The following OSBPL8 variants were observed in gnomAD, a reference collection of about 807,000 sequenced individuals.
OSBPL8 encodes the protein oxysterol binding protein like 8.
Under a neutral mutation model 125.5 loss-of-function variants are expected in OSBPL8, and 59 were observed. The observed-to-expected ratio is 0.47, with a 90% CI of 0.38 to 0.58. The LOEUF is 0.58. OSBPL8 is among the 20% of genes least tolerant of loss of function. The probability of loss-of-function intolerance (pLI) is 0.00; values close to 1 mark genes in which losing one functional copy is unlikely to be tolerated. For synonymous variants in OSBPL8, 330 were observed against 338.9 expected, an observed-to-expected ratio of 0.97 and a Z score of 0.29; for missense variants, 758 against 1,047.8, an observed-to-expected ratio of 0.72 and a Z score of 3.82.
intron 1 of OSBPL8, among the ~76,000 whole-genome samples, chr12:76,512,025 T>A (rs1881048677): frequency 6.6e-6 from 1 of 152,180 alleles, no homozygotes; most frequent in Admixed American, 6.5e-5. Context: ...GTTACATAGA[T>A]AAACACATGT....
In OSBPL8 at chr12:76,353,925, A is replaced by G. The variant is rs549159252; in HGVS notation, c.*1964T>C. 27 of 152,544 alleles carry G rather than the reference A, an allele frequency of 1.8e-4. No individual in the cohort carries two copies. The highest frequency in any genetic ancestry group is 6.5e-4 in the African/African-American group (27 of 41,580). The allele number at this position is 152,544 out of a possible 1,614,324, so 9.4% of individuals were successfully genotyped here. ...CCCATACAAATAAAATATTATTTGGACCAAATGAAAACAACATACACGTGG... is the reference window on the plus strand; with the variant it reads ...CCCATACAAATAAAATATTATTTGGGCCAAATGAAAACAACATACACGTGG... On this transcript the variant is annotated 3_prime_UTR_variant, in exon 24 of 24. Transcript: ENST00000261183.
chr12:76,389,609 A>G, intron 12 of OSBPL8, 36 bp downstream of exon 12: 1 of 1,410,868 alleles, frequency 7.1e-7, no homozygotes, highest in Non-Finnish European at 9.5e-7. Context: ...AAAATCATGA[A>G]GTATTGTCTA....
intron 5 of OSBPL8, among the ~76,000 whole-genome samples, chr12:76,409,101 C>T (rs1665248659): frequency 6.6e-6 from 1 of 151,864 alleles, no homozygotes; most frequent in Non-Finnish European, 1.5e-5. Context: ...AAATGATTGA[C>T]AGGGCTCAAA....
chr12:76,538,838 C>A (rs1438649311), intron 1 of OSBPL8, among the ~76,000 whole-genome samples: 2 of 151,614 alleles, frequency 1.3e-5, no homozygotes, highest in Non-Finnish European at 2.9e-5. Context: ...GTCCCAGCTA[C>A]TCGGGAGGCT....
intron 4 of OSBPL8, among the ~76,000 whole-genome samples, chr12:76,420,693 C>A (rs1869366657): frequency 6.6e-6 from 1 of 151,894 alleles, no homozygotes; most frequent in South Asian, 2.1e-4. Context: ...CAGATAAAAG[C>A]AAATGCATCT....
chr12:76,450,593 G>A (rs1873263179), intron 4 of OSBPL8, among the ~76,000 whole-genome samples: 1 of 151,878 alleles, frequency 6.6e-6, no homozygotes, highest in Admixed American at 6.6e-5. Flanking sequence ...ACCACAAAGT[G>A]TGAGAATCGC....
chr12:76,386,351 T>C, intron 13 of OSBPL8, 85 bp from the exon 14 acceptor site: 1 of 1,471,686 alleles, frequency 6.8e-7, no homozygotes, highest in Non-Finnish European at 9.0e-7. Context: ...GGTTTAACTC[T>C]ACCATCTGGG....
chr12:76,488,092 C>T (rs892281748), intron 1 of OSBPL8, among the ~76,000 whole-genome samples: 14 of 152,042 alleles, frequency 9.2e-5, no homozygotes. Flanking sequence ...AATTTTCCCA[C>T]AGATATACAA....
At chr12:76,463,531 G>A (rs1251373744) in intron 2 of OSBPL8, among the ~76,000 whole-genome samples, 3 of 152,178 alleles carry the variant, frequency 2.0e-5, no homozygotes, top group Non-Finnish European at 4.4e-5. Flanking sequence ...AATTATGTAT[G>A]AGAGTTATGT....
chr12:76,507,319 C>T (rs1245935703), intron 1 of OSBPL8, among the ~76,000 whole-genome samples: 1 of 151,674 alleles, frequency 6.6e-6, no homozygotes, highest in African/African-American at 2.4e-5. Flanking sequence ...ACCTACTAGG[C>T]AAGGTTAATG....
intron 17 of OSBPL8, among the ~76,000 whole-genome samples, chr12:76,374,655 G>C (rs2136213654): frequency 6.6e-6 from 1 of 152,224 alleles, no homozygotes; most frequent in East Asian, 1.9e-4. Flanking sequence ...CCCTAGACCA[G>C]GTATCAGATA....
chr12:76,463,650 C>T (rs1255012301), intron 2 of OSBPL8, among the ~76,000 whole-genome samples: 2 of 152,156 alleles, frequency 1.3e-5, no homozygotes, highest in Admixed American at 6.5e-5. Context: ...AAGAATCACA[C>T]TCAAGCACTG....
At chr12:76,412,064 A>G (rs891219499) in intron 4 of OSBPL8, among the ~76,000 whole-genome samples, 1 of 152,206 alleles carries the variant, frequency 6.6e-6, no homozygotes, top group Non-Finnish European at 1.5e-5. Context: ...AGAGAGGCAC[A>G]AGAATGTTCA....
At chr12:76,394,595 A>C (rs1953714190) in intron 9 of OSBPL8, 50 bp downstream of exon 9, 8 of 1,381,294 alleles carry the variant, frequency 5.8e-6, no homozygotes, top group Admixed American at 1.9e-5. Flanking sequence ...GCATTAAAAA[A>C]ACTCTTAAAA....
At chr12:76,515,527 C>G (rs1025728325) in intron 1 of OSBPL8, among the ~76,000 whole-genome samples, 5 of 152,158 alleles carry the variant, frequency 3.3e-5, no homozygotes, top group African/African-American at 1.2e-4. Context: ...TCCGCAATTT[C>G]CTCACAATTG....
rs1453355417 is a variant in OSBPL8 at position 76,353,090 on chromosome 12, A to G, written c.*2799T>C. ...TGTAACACAAAAAATGACAAAAAAT[A>G]TTTTCTTAAAGGCACAAAAGCATGA... On this transcript the variant is annotated 3_prime_UTR_variant, in exon 24 of 24. Coordinates refer to ENST00000261183, the MANE Select transcript of OSBPL8 (RefSeq NM_020841.5). The G allele has an allele frequency of 6.6e-6, 1 of 152,386 alleles. No homozygotes were observed. The highest frequency in any genetic ancestry group is 1.5e-5 in the Non-Finnish European group (1 of 67,852). 9.4% of individuals were successfully genotyped at this position (152,386 alleles called of 1,614,324 possible). A position where few individuals can be genotyped will look rare whatever the true frequency, so the allele number is the denominator to read the frequency against.
chr12:76,464,904 A>T (rs935625998), intron 2 of OSBPL8, among the ~76,000 whole-genome samples: 1 of 152,222 alleles, frequency 6.6e-6, no homozygotes, highest in Non-Finnish European at 1.5e-5. Flanking sequence ...AAGAGTATAC[A>T]AAACATCTGA....
At chr12:76,556,534 G>C (rs531893564) in intron 1 of OSBPL8, among the ~76,000 whole-genome samples, 1 of 152,244 alleles carries the variant, frequency 6.6e-6, no homozygotes, top group South Asian at 2.1e-4. Flanking sequence ...CATGAGTCTA[G>C]ACATCTCTTC....
rs1414320887 is a variant in OSBPL8, at chr12:76,518,624, C to T, written c.-67-31006G>A. ...GCTCCACCCCTGAGGCAGGCTTAGC[C>T]TGGGCACCCAGGCTTTCTCATACAT... On this transcript the variant is annotated intron_variant, in intron 1 of 23. Transcript: ENST00000261183. Among the ~76,000 whole-genome samples, 10 of 152,250 alleles carry T rather than the reference C, an allele frequency of 6.6e-5. 1 individual carries two copies. The South Asian group carries it at 2.1e-3, about 31-fold the overall frequency.
Sources: allele counts gnomAD v4.1 joint callset (sites outside exome capture counted in the v4.1 genomes callset), GRCh38; gene constraint gnomAD v4.1.1; transcripts MANE v1.5; gene names NCBI Gene and HGNC (gene_info 2026-07-23, HGNC 2026-07-21).